The following PTPRC variants were observed in gnomAD, a reference collection of about 807,000 sequenced individuals.
PTPRC encodes the protein receptor-type tyrosine-protein phosphatase C.
PTPRC carries 44 observed loss-of-function variants against 155.9 expected under a neutral mutation model. The ratio of observed to expected loss-of-function variants is 0.28; its 90% CI spans 0.22 to 0.36. The LOEUF (loss-of-function observed/expected upper bound fraction) is 0.36. PTPRC is among the 10% of genes least tolerant of loss of function. PTPRC has a pLI of 1.00. For missense variants in PTPRC, 1,401 were observed against 1,564.6 expected, an observed-to-expected ratio of 0.90 and a Z score of 1.76; for synonymous variants, 525 against 533.1, an observed-to-expected ratio of 0.98 and a Z score of 0.21.
chr1:198,668,014 A>C (rs1664417964), intron 2 of PTPRC, among the ~76,000 whole-genome samples: 2 of 152,238 alleles, frequency 1.3e-5, no homozygotes, highest in African/African-American at 4.8e-5. Flanking sequence ...GTTAGCTTGT[A>C]GCTAACTGAA....
chr1:198,738,166 G>A (rs1209949432), intron 23 of PTPRC, among the ~76,000 whole-genome samples: 1 of 151,614 alleles, frequency 6.6e-6, no homozygotes, highest in Non-Finnish European at 1.5e-5. Flanking sequence ...CTTGTCTGAT[G>A]GCTCTAGCTG....
intron 2 of PTPRC, among the ~76,000 whole-genome samples, chr1:198,670,296 A>T (rs919052661): frequency 6.6e-6 from 1 of 152,158 alleles, no homozygotes; most frequent in African/African-American, 2.4e-5. Flanking sequence ...ATAATTATTA[A>T]TCACTGTTAT....
intron 7 of PTPRC, among the ~76,000 whole-genome samples, 190 bp from the exon 8 acceptor site, chr1:198,704,282 A>T (rs1014306277): frequency 2.0e-5 from 3 of 152,230 alleles, no homozygotes; most frequent in Middle Eastern, 3.2e-3. Context: ...TTATAGAATT[A>T]GCTCATTCCT....
intron 2 of PTPRC, among the ~76,000 whole-genome samples, chr1:198,683,466 T>A (rs1303571383): frequency 2.0e-5 from 3 of 152,128 alleles, no homozygotes; most frequent in Admixed American, 6.5e-5. Context: ...ATCCCTGGAT[T>A]TAGGTAAATG....
intron 2 of PTPRC, among the ~76,000 whole-genome samples, chr1:198,683,896 A>T (rs930471378): frequency 6.6e-6 from 1 of 152,100 alleles, no homozygotes; most frequent in Non-Finnish European, 1.5e-5. Context: ...TCCATGGGAA[A>T]AAAATGGGTT....
At chr1:198,738,303 C>T (rs1198881658) in intron 23 of PTPRC, among the ~76,000 whole-genome samples, 2 of 151,578 alleles carry the variant, frequency 1.3e-5, no homozygotes, top group East Asian at 3.9e-4. Context: ...ATATGACTTT[C>T]ATTCTGTTGA....
chr1:198,727,156 T>A (rs1244053781), intron 15 of PTPRC, among the ~76,000 whole-genome samples: 1 of 152,080 alleles, frequency 6.6e-6, no homozygotes, highest in Non-Finnish European at 1.5e-5. Context: ...CCACTGCGCC[T>A]GTCTGTTCAG....
At chr1:198,642,900 CT>C (rs879553205) in intron 2 of PTPRC, among the ~76,000 whole-genome samples, 9,033 of 81,886 alleles carry the variant, frequency 0.11, 372 homozygotes, top group Middle Eastern at 0.12. Flanking sequence ...TCTTTTCTTT[CT>C]TTCTTCCTTT....
intron 9 of PTPRC, among the ~76,000 whole-genome samples, chr1:198,707,839 T>A (rs1653074976): frequency 6.6e-6 from 1 of 152,230 alleles, no homozygotes; most frequent in East Asian, 1.9e-4. Context: ...TTTTTTAAAA[T>A]GTGCGAAAGC....
chr1:198,701,846 A>C (rs1222134788), intron 5 of PTPRC, among the ~76,000 whole-genome samples: 1 of 152,248 alleles, frequency 6.6e-6, no homozygotes, highest in Non-Finnish European at 1.5e-5. Context: ...CTTTGAGCTC[A>C]TGCTGTGGCC....
rs114130990 is a variant in PTPRC at position 198,745,631 on chromosome 1, G to T, written c.2847+1428G>T. ...TGAAATTTATGATTATAAGTTTAAA[G>T]AGGAATTAGTCAGTTGGTTGTATTG... On this transcript the variant is annotated intron_variant, in intron 26 of 32. Coordinates refer to ENST00000442510, the MANE Select transcript of PTPRC (RefSeq NM_002838.5). Among the ~76,000 whole-genome samples, 865 of 151,964 alleles carry T rather than the reference G, an allele frequency of 5.7e-3. 6 individuals are homozygous for T. Among genetic ancestry groups the T allele is most frequent in the African/African-American group, 0.019 (779 of 41,518 alleles).
intron 26 of PTPRC, among the ~76,000 whole-genome samples, chr1:198,744,430 C>T (rs762599702): frequency 2.6e-5 from 4 of 151,762 alleles, no homozygotes; most frequent in Non-Finnish European, 4.4e-5. Context: ...GATTCTATTG[C>T]TAATACTTTT....
Position 198,704,465 on chromosome 1 carries a change from A to C in PTPRC, c.659-7A>C, listed in dbSNP as rs1338915793. The C allele has an allele frequency of 1.9e-6, 3 of 1,613,918 alleles. No homozygotes were observed. The highest frequency in any genetic ancestry group is 2.5e-6 in the Non-Finnish European group (3 of 1,179,928). ...TTAATAATTTACATTTTTTTTCTCCATTACAGCTACTACTCCATCTAAGCC... is the reference window on the plus strand; with the variant it reads ...TTAATAATTTACATTTTTTTTCTCCCTTACAGCTACTACTCCATCTAAGCC... On this transcript the variant is annotated splice_polypyrimidine_tract_variant and splice_region_variant and intron_variant, in intron 7 of 32. Transcript: ENST00000442510.
intron 2 of PTPRC, among the ~76,000 whole-genome samples, chr1:198,674,792 A>G (rs1448021588): frequency 1.3e-5 from 2 of 152,086 alleles, no homozygotes; most frequent in Admixed American, 6.6e-5. Flanking sequence ...GATAGTAAGG[A>G]AAGTCCCCAT....
chr1:198,657,070 A>G (rs1010144773), intron 2 of PTPRC, among the ~76,000 whole-genome samples: 1 of 151,492 alleles, frequency 6.6e-6, no homozygotes, highest in African/African-American at 2.4e-5. Flanking sequence ...ATATACACAC[A>G]CACACACTGT....
At chr1:198,722,641 T>C (rs1424873505) in intron 15 of PTPRC, among the ~76,000 whole-genome samples, 165 bp downstream of exon 15, 1 of 151,658 alleles carries the variant, frequency 6.6e-6, no homozygotes, top group Admixed American at 6.6e-5. Flanking sequence ...TACATATATA[T>C]GTAAATATAT....
chr1:198,752,261 C>T lies in PTPRC; in HGVS notation c.3220C>T (p.Gln1074Ter). 6.2e-7 allele frequency: 1 copy of T among 1,611,508 alleles called. No individual in the cohort carries two copies. Among genetic ancestry groups the T allele is most frequent in the Non-Finnish European group, 8.5e-7 (1 of 1,178,226 alleles). The stretch of plus-strand genomic sequence containing the variant: ...TTCTTTTATCTAGGAAATCTGTGCT[C>T]AGTACTGGGGAGAAGGAAAGCAAAC... ...LKHGDQEICA[Q>*]YWGEGKQTYG... The change falls in exon 30 of 33, where the codon CAG becomes TAG. Residue 1074 changes from glutamine to a stop codon, truncating the protein, a stop_gained. Transcript: ENST00000442510. LOFTEE classifies it high-confidence loss of function.
chr1:198,680,476 A>G (rs1050951585), intron 2 of PTPRC, among the ~76,000 whole-genome samples: 8 of 152,020 alleles, frequency 5.3e-5, no homozygotes, highest in Non-Finnish European at 1.0e-4. Flanking sequence ...AATAGATACA[A>G]CAATCTCCTT....
chr1:198,747,017 C>G (rs557422077), intron 26 of PTPRC, among the ~76,000 whole-genome samples: 1 of 151,610 alleles, frequency 6.6e-6, no homozygotes, highest in Non-Finnish European at 1.5e-5. Context: ...TATCTACATG[C>G]GTGTGTGTGT....
Sources: gnomAD v4.1 joint callset for allele counts (sites outside exome capture counted in the v4.1 genomes callset) on GRCh38, gnomAD v4.1.1 for gene constraint, MANE v1.5 for transcripts, NCBI Gene and HGNC (gene_info 2026-07-23, HGNC 2026-07-21) for gene names.